Variants in CDKN2B-AS1 observed in about 807,000 individuals in gnomAD.
The protein encoded by CDKN2B-AS1 is CDKN2B antisense RNA 1 (non-protein coding).
chr9:22,092,727 A>G (rs200191892), intron 4 of CDKN2B-AS1, among the ~76,000 whole-genome samples: 1 of 151,696 alleles, frequency 6.6e-6, no homozygotes, highest in Non-Finnish European at 1.5e-5. Context: ...TTCTTTATTA[A>G]TCTTGCTAGT....
intron 4 of CDKN2B-AS1, among the ~76,000 whole-genome samples, chr9:22,061,251 G>T (rs1823807424): frequency 6.6e-6 from 1 of 152,064 alleles, no homozygotes; most frequent in Admixed American, 6.6e-5. Context: ...CCCATTTCTG[G>T]AACTCTGAGA....
intron 1 of CDKN2B-AS1, among the ~76,000 whole-genome samples, chr9:22,023,012 G>T (rs1427864302): frequency 6.6e-6 from 1 of 152,136 alleles, no homozygotes; most frequent in Non-Finnish European, 1.5e-5. Context: ...GTCTGATGGG[G>T]TTCCCTTTGT....
At position 22,121,380 on chromosome 9, in the gene CDKN2B-AS1, C is replaced by CTA. The variant is rs200275257; in HGVS notation, n.439-5722_439-5721insAT. 2.8e-3 allele frequency among the ~76,000 whole-genome samples: 412 copies of CTA among 144,654 alleles called. 1 individual carries two copies. Among genetic ancestry groups the CTA allele is most frequent in the African/African-American group, 9.7e-3 (389 of 40,096 alleles). 94.9% of individuals were successfully genotyped at this position (144,654 alleles called of 152,430 possible). A position where few individuals can be genotyped will look rare whatever the true frequency, so the allele number is the denominator to read the frequency against. On this transcript the variant is annotated intron_variant and non_coding_transcript_variant, in intron 4 of 4. Coordinates refer to ENST00000650946, the Ensembl canonical transcript of CDKN2B-AS1. ...TTATTCTTTTAAAACTAAAAAAAAACTGTACAAAATTCATAGGGTACATAG... is the reference window on the plus strand; with the variant it reads ...TTATTCTTTTAAAACTAAAAAAAAACTATGTACAAAATTCATAGGGTACATAG...
intron 1 of CDKN2B-AS1, among the ~76,000 whole-genome samples, chr9:22,028,182 G>C (rs935941191): frequency 6.6e-6 from 1 of 151,598 alleles, no homozygotes; most frequent in East Asian, 1.9e-4. Context: ...CCTCCCATCT[G>C]ATAAAATATT....
At chr9:22,114,460 G>C (rs1825890732) in intron 4 of CDKN2B-AS1, among the ~76,000 whole-genome samples, 1 of 152,142 alleles carries the variant, frequency 6.6e-6, no homozygotes, top group Admixed American at 6.5e-5. Context: ...GAGGAGCCTG[G>C]GCAGACTGTG....
rs143896941 is a variant in CDKN2B-AS1 at position 22,091,119 on chromosome 9, C to G, written n.438+34732C>G. Among the ~76,000 whole-genome samples the G allele has an allele frequency of 4.1e-4, 63 of 152,274 alleles. 2 individuals carry two copies. In the East Asian group the frequency reaches 0.011, roughly 27 times the overall value. ...CATTGCTTGTTTTTATCAGGTTTGTCAAAGATCAGATTGTTGTAGATATGT... is the reference window on the plus strand; with the variant it reads ...CATTGCTTGTTTTTATCAGGTTTGTGAAAGATCAGATTGTTGTAGATATGT... On this transcript the variant is annotated intron_variant and non_coding_transcript_variant, in intron 4 of 4. Coordinates refer to ENST00000650946, the Ensembl canonical transcript of CDKN2B-AS1.
chr9:22,036,650 G>T (rs559754039), intron 1 of CDKN2B-AS1, among the ~76,000 whole-genome samples: 1 of 152,002 alleles, frequency 6.6e-6, no homozygotes, highest in South Asian at 2.1e-4. Flanking sequence ...ATTTATGTTT[G>T]CCTTCTAATG....
At chr9:22,051,617 T>C (rs545648098) in intron 3 of CDKN2B-AS1, among the ~76,000 whole-genome samples, 1 of 152,296 alleles carries the variant, frequency 6.6e-6, no homozygotes, top group Admixed American at 6.5e-5. Context: ...ACTGGGACTC[T>C]AGAAGGCTGA....
At chr9:22,126,305 T>C (rs983278493) in intron 4 of CDKN2B-AS1, among the ~76,000 whole-genome samples, 1 of 152,204 alleles carries the variant, frequency 6.6e-6, no homozygotes, top group Non-Finnish European at 1.5e-5. Context: ...AATGTGATAG[T>C]CGTTTCCTCT....
In CDKN2B-AS1 at chr9:21,997,315, G is replaced by C. The variant is rs191889111; in HGVS notation, n.29+2154G>C. Among the ~76,000 whole-genome samples the C allele has an allele frequency of 6.6e-6, 1 of 152,288 alleles. No homozygotes were observed. Among genetic ancestry groups the C allele is most frequent in the East Asian group, 1.9e-4 (1 of 5,180 alleles). On this transcript the variant is annotated intron_variant and non_coding_transcript_variant, in intron 1 of 4. Coordinates refer to ENST00000650946, the Ensembl canonical transcript of CDKN2B-AS1. This position sits in a 1 kb window ranked among gnomAD's most constrained non-coding sequence, Gnocchi z 4.8. ...ACAGCTATGACATCACTAGGGGATA[G>C]GAATTTTTCACATCCATTATAATCT... is the stretch of plus-strand genomic sequence containing the variant.
chr9:22,017,418 C>T (rs1205501615), intron 1 of CDKN2B-AS1, among the ~76,000 whole-genome samples: 1 of 152,180 alleles, frequency 6.6e-6, no homozygotes, highest in Non-Finnish European at 1.5e-5. Context: ...TCACACAAAC[C>T]CAACTGAATT....
rs564557333 is a variant in CDKN2B-AS1 at position 22,090,728 on chromosome 9, C to G, written n.438+34341C>G. On this transcript the variant is annotated intron_variant and non_coding_transcript_variant, in intron 4 of 4. Coordinates refer to ENST00000650946, the Ensembl canonical transcript of CDKN2B-AS1. ...TTCATTGTAGATTCTGGATATTAGC[C>G]CTTTGTTGGATGAGTAGATTGCAAA... Among the ~76,000 whole-genome samples, 3 of 151,904 alleles carry G rather than the reference C, an allele frequency of 2.0e-5. No individual in the cohort carries two copies. In the East Asian group the frequency reaches 5.8e-4, roughly 29 times the overall value.
At chr9:22,109,360 T>C (rs925116449) in intron 4 of CDKN2B-AS1, among the ~76,000 whole-genome samples, 5 of 152,216 alleles carry the variant, frequency 3.3e-5, no homozygotes, top group African/African-American at 1.2e-4. Flanking sequence ...TTACTTCTTG[T>C]TGGTCTATTT....
At chr9:21,998,150 G>T (rs1820766778) in intron 1 of CDKN2B-AS1, among the ~76,000 whole-genome samples, 2 of 152,166 alleles carry the variant, frequency 1.3e-5, no homozygotes, top group Admixed American at 1.3e-4. Flanking sequence ...TCTTTCAGTT[G>T]CAGTATGCAG....
At chr9:22,025,184 A>G (rs1300980231) in intron 1 of CDKN2B-AS1, among the ~76,000 whole-genome samples, 1 of 152,102 alleles carries the variant, frequency 6.6e-6, no homozygotes, top group Non-Finnish European at 1.5e-5. Flanking sequence ...GTCAGCAATC[A>G]TTCAGTTCAA....
intron 4 of CDKN2B-AS1, among the ~76,000 whole-genome samples, chr9:22,078,397 C>T (rs1016059604): frequency 6.6e-6 from 1 of 152,114 alleles, no homozygotes; most frequent in African/African-American, 2.4e-5. Flanking sequence ...ATGTTTCTCA[C>T]TTGTTTTTGA....
intron 4 of CDKN2B-AS1, among the ~76,000 whole-genome samples, chr9:22,079,507 A>G (rs777714060): frequency 9.3e-6 from 1 of 107,852 alleles, no homozygotes; most frequent in African/African-American, 7.5e-5. Context: ...AACACCATCT[A>G]AAAAAAAAAA....
At chr9:22,021,165 G>A (rs928562539) in intron 1 of CDKN2B-AS1, among the ~76,000 whole-genome samples, 2 of 152,150 alleles carry the variant, frequency 1.3e-5, no homozygotes, top group African/African-American at 2.4e-5. Context: ...TGTCAGGTTT[G>A]TTGAAGATCA....
In CDKN2B-AS1 at chr9:22,004,160, A is replaced by G. The variant is rs1821053699; in HGVS notation, n.29+8999A>G. ...TGGTACAGATTATGTGTCAATAAAC[A>G]TATCCTTTCCCCAATAACATATGCT... On this transcript the variant is annotated intron_variant and non_coding_transcript_variant, in intron 1 of 4. Transcript: ENST00000650946. 1.3e-5 allele frequency: 3 copies of G among 232,482 alleles called. No homozygotes were observed. The Admixed American group carries it at 1.7e-4, about 13-fold the overall frequency. 14.4% of individuals were successfully genotyped at this position (232,482 alleles called of 1,614,324 possible).
Sources: gnomAD v4.1 joint callset for allele counts (sites outside exome capture counted in the v4.1 genomes callset) on GRCh38, gnomAD v4.1.1 for gene constraint, Gnocchi (gnomAD v3.1) non-coding constraint, MANE v1.5 for transcripts, NCBI Gene and HGNC (gene_info 2026-07-23, HGNC 2026-07-21) for gene names.